Variants in PUDP observed in about 807,000 individuals in gnomAD.
PUDP encodes the protein pseudouridine-5'-phosphatase.
Under a neutral mutation model 9.4 loss-of-function variants are expected in PUDP, and 8 were observed. That is an observed-to-expected ratio of 0.85 (90% confidence interval 0.50 to 1.53). The LOEUF (loss-of-function observed/expected upper bound fraction) is 1.53. Ranked by LOEUF, PUDP falls within the 40% of genes most tolerant of loss-of-function variation. PUDP has a pLI of 0.00. For synonymous variants in PUDP, 99 were observed against 80.7 expected (o/e 1.23, Z -1.22); for missense variants, 188 against 189.7 (o/e 0.99, Z 0.05).
intron 3 of PUDP, among the ~76,000 whole-genome samples, chrX:6,951,283 TATCCATCCATCC>T (rs747575376): frequency 1.8e-5 from 2 of 108,280 alleles, no homozygotes; most frequent in Non-Finnish European, 3.8e-5. Flanking sequence ...CTAATCTATC[TATCCATCCATCC>T]ATCCATCCAT....
chrX:6,751,262 G>C (rs1046250160), intron 3 of PUDP, among the ~76,000 whole-genome samples: 1 of 112,076 alleles, frequency 8.9e-6, no homozygotes, highest in Non-Finnish European at 1.9e-5. Flanking sequence ...AGAATACTAC[G>C]TTCTTTATAT....
intron 3 of PUDP, among the ~76,000 whole-genome samples, chrX:6,975,926 A>T (rs929133927): frequency 8.9e-6 from 1 of 112,296 alleles, no homozygotes; most frequent in African/African-American, 3.2e-5. Flanking sequence ...CTTGTGAGGC[A>T]GTCTGGCTGC....
chrX:7,056,723 C>T (rs748885592), intron 3 of PUDP, among the ~76,000 whole-genome samples: 21 of 111,261 alleles, frequency 1.9e-4, no homozygotes, highest in Non-Finnish European at 3.4e-4. Flanking sequence ...TGGAGGTGTC[C>T]TGGGTACAGG....
intron 3 of PUDP, 52 bp from the exon 4 acceptor site, chrX:7,050,524 G>A (rs1930071220): frequency 1.9e-6 from 2 of 1,077,826 alleles, no homozygotes; most frequent in Non-Finnish European, 2.5e-6. Flanking sequence ...CCAGACATGT[G>A]GATGAAGTGT....
At chrX:6,993,407 GC>G (rs761209785) in intron 1 of PUDP, among the ~76,000 whole-genome samples, 34 of 111,913 alleles carry the variant, frequency 3.0e-4, no homozygotes, top group Non-Finnish European at 5.8e-4. Flanking sequence ...AAAATAGGAA[GC>G]AAATTATAAC....
chrX:6,847,982 T>A (rs954680784), intron 3 of PUDP, among the ~76,000 whole-genome samples: 1 of 112,229 alleles, frequency 8.9e-6, no homozygotes, highest in East Asian at 2.8e-4. Context: ...GGATCAGGAA[T>A]AAGAGAAACT....
chrX:6,898,919 T>C (rs1380042223), intron 3 of PUDP, among the ~76,000 whole-genome samples: 2 of 111,248 alleles, frequency 1.8e-5, no homozygotes, highest in Non-Finnish European at 3.8e-5. Flanking sequence ...AGTATAAGAG[T>C]CCAGGGTCTC....
At chrX:7,015,910 G>A (rs1239086179) in intron 1 of PUDP, among the ~76,000 whole-genome samples, 1 of 110,726 alleles carries the variant, frequency 9.0e-6, no homozygotes, top group African/African-American at 3.3e-5. Flanking sequence ...TTTTACACAG[G>A]AAGGTAGAGG....
chrX:6,816,883 AAT>A (rs1926250335), intron 3 of PUDP, among the ~76,000 whole-genome samples: 1 of 95,442 alleles, frequency 1.0e-5, no homozygotes, highest in South Asian at 4.5e-4. Context: ...TAGTATATAC[AAT>A]ATATATACAC....
chrX:7,067,663 G>A (rs1226355657), intron 3 of PUDP, among the ~76,000 whole-genome samples: 1 of 111,896 alleles, frequency 8.9e-6, no homozygotes, highest in Non-Finnish European at 1.9e-5. Flanking sequence ...CTAAGTGTCA[G>A]TCAGGGTTTG....
intron 3 of PUDP, among the ~76,000 whole-genome samples, chrX:6,891,876 A>G (rs1927521941): frequency 8.9e-6 from 1 of 111,786 alleles, no homozygotes. Context: ...CTAATGTAAT[A>G]AACTAACCGA....
chrX:6,866,930 T>C (rs1386125221), intron 3 of PUDP, among the ~76,000 whole-genome samples: 1 of 111,049 alleles, frequency 9.0e-6, no homozygotes, highest in African/African-American at 3.3e-5. Flanking sequence ...GGAACTGGGG[T>C]GAGAAAAGAA....
chrX:7,026,898 G>A (rs915519001), intron 1 of PUDP, among the ~76,000 whole-genome samples: 4 of 111,533 alleles, frequency 3.6e-5, no homozygotes, highest in Non-Finnish European at 5.7e-5. Context: ...GGAAACCTGC[G>A]ATTCTCTCTC....
intron 1 of PUDP, among the ~76,000 whole-genome samples, chrX:6,993,107 T>C (rs1248863114): frequency 8.9e-6 from 1 of 111,875 alleles, no homozygotes; most frequent in Non-Finnish European, 1.9e-5. Flanking sequence ...TCAGACTGGC[T>C]TCCTTCCTCC....
intron 3 of PUDP, among the ~76,000 whole-genome samples, chrX:6,851,382 T>G (rs775938739): frequency 1.7e-4 from 19 of 111,683 alleles, no homozygotes; most frequent in African/African-American, 5.2e-4. Flanking sequence ...TCGGTTATGA[T>G]GTACATCTTG....
At chrX:6,856,001 AG>A (rs1926900122) in intron 3 of PUDP, among the ~76,000 whole-genome samples, 1 of 111,406 alleles carries the variant, frequency 9.0e-6, no homozygotes, top group Non-Finnish European at 1.9e-5. Flanking sequence ...GGGTGAGCTA[AG>A]GGGAACTGAG....
intron 1 of PUDP, among the ~76,000 whole-genome samples, chrX:7,036,375 C>A (rs890421646): frequency 9.0e-6 from 1 of 111,730 alleles, no homozygotes; most frequent in African/African-American, 3.3e-5. Flanking sequence ...CCTTGTAATT[C>A]TTGGGCTATT....
chrX:7,056,226 G>A (rs916852061), intron 3 of PUDP, among the ~76,000 whole-genome samples: 21 of 112,387 alleles, frequency 1.9e-4, no homozygotes, highest in Admixed American at 1.2e-3. Flanking sequence ...TTCTCTGCAC[G>A]GACTTGGTGG....
At position 7,029,760 on chromosome X, in the gene PUDP, T is replaced by C. The variant is rs756929036; in HGVS notation, c.204+47460A>G. Among the ~76,000 whole-genome samples, 305 of 111,876 alleles carry C rather than the reference T, an allele frequency of 2.7e-3. 3 individuals carry two copies. The highest frequency in any genetic ancestry group is 4.6e-3 in the Middle Eastern group (1 of 219). On this transcript the variant is annotated intron_variant and NMD_transcript_variant, in intron 1 of 3. Transcript: ENST00000655425. ...CAATAGCCTTCATTTAGATTCTTAA[T>C]TGGCAATTTAATCTCATTCACTTTA...
Sources: gnomAD v4.1 joint callset for allele counts (sites outside exome capture counted in the v4.1 genomes callset) on GRCh38, gnomAD v4.1.1 for gene constraint, MANE v1.5 for transcripts, NCBI Gene and HGNC (gene_info 2026-07-23, HGNC 2026-07-21) for gene names.